The following GLRA3 variants were observed in gnomAD, a reference collection of about 807,000 sequenced individuals.
GLRA3 encodes the protein glycine receptor subunit alpha-3.
A neutral mutation model predicts 60.4 loss-of-function variants in GLRA3; 44 were observed. The ratio of observed to expected loss-of-function variants is 0.73; its 90% CI spans 0.57 to 0.94. The LOEUF is 0.94. Among genes scored for constraint, GLRA3 ranks in the 40% least tolerant of loss-of-function variants. GLRA3 has a pLI of 0.00. For synonymous variants in GLRA3, 223 were observed against 192.9 expected, an observed-to-expected ratio of 1.16 and a Z score of -1.29; for missense variants, 508 against 564.6, an observed-to-expected ratio of 0.90 and a Z score of 1.02.
At chr4:174,812,258 G>A (rs1442401014) in intron 1 of GLRA3, among the ~76,000 whole-genome samples, 2 of 152,188 alleles carry the variant, frequency 1.3e-5, no homozygotes, top group Admixed American at 1.3e-4. Flanking sequence ...ATATTTTGAA[G>A]CACCAATCTC....
At chr4:174,795,884 C>T (rs771812307) in intron 1 of GLRA3, among the ~76,000 whole-genome samples, 15 of 151,044 alleles carry the variant, frequency 9.9e-5, no homozygotes, top group Middle Eastern at 3.2e-3. Context: ...CTTCTTAATA[C>T]GGTGTGAGCA....
At chr4:174,701,719 G>C (rs7684520) in intron 5 of GLRA3, among the ~76,000 whole-genome samples, 114,657 of 152,034 alleles carry the variant, frequency 0.75, 43,394 homozygotes, top group South Asian at 0.81. Flanking sequence ...CAGGAATTTG[G>C]AAGAAGTTGA....
intron 1 of GLRA3, among the ~76,000 whole-genome samples, chr4:174,821,272 A>G (rs1238021169): frequency 6.6e-6 from 1 of 152,224 alleles, no homozygotes; most frequent in African/African-American, 2.4e-5. Flanking sequence ...ATATACTGCT[A>G]AAGTTCTCTA....
intron 3 of GLRA3, among the ~76,000 whole-genome samples, chr4:174,739,336 A>C (rs753887739): frequency 1.3e-5 from 2 of 152,338 alleles, no homozygotes; most frequent in East Asian, 3.9e-4. Flanking sequence ...AACTCATTTC[A>C]GTAATGTAGA....
intron 1 of GLRA3, among the ~76,000 whole-genome samples, chr4:174,821,819 T>C (rs368912454): frequency 3.6e-4 from 55 of 152,290 alleles, no homozygotes; most frequent in African/African-American, 1.3e-3. Context: ...AAGTAGTTAA[T>C]ATCTTCTAAG....
intron 5 of GLRA3, among the ~76,000 whole-genome samples, chr4:174,707,294 T>G (rs1735553244): frequency 6.6e-6 from 1 of 152,118 alleles, no homozygotes; most frequent in Non-Finnish European, 1.5e-5. Flanking sequence ...ATCATCAAAG[T>G]AGAATTATGG....
chr4:174,708,460 AT>A (rs148732517), intron 5 of GLRA3, among the ~76,000 whole-genome samples: 32,212 of 149,784 alleles, frequency 0.22, 3,798 homozygotes, highest in South Asian at 0.33. Flanking sequence ...GCTTTTGTTA[AT>A]TTTTTTTTTC....
At chr4:174,713,022 T>C (rs1286254828) in intron 5 of GLRA3, among the ~76,000 whole-genome samples, 1 of 151,866 alleles carries the variant, frequency 6.6e-6, no homozygotes, top group Non-Finnish European at 1.5e-5. Flanking sequence ...GTAATTGTCC[T>C]AAAAAAGTTT....
intron 1 of GLRA3, among the ~76,000 whole-genome samples, chr4:174,815,717 G>A (rs188118533): frequency 1.3e-5 from 2 of 152,236 alleles, no homozygotes; most frequent in African/African-American, 4.8e-5. Context: ...TGGGATGCAG[G>A]GCACCAAGTC....
intron 2 of GLRA3, among the ~76,000 whole-genome samples, chr4:174,774,052 G>A (rs1293146123): frequency 6.6e-6 from 1 of 152,102 alleles, no homozygotes; most frequent in Non-Finnish European, 1.5e-5. Context: ...CTGGCTTGCA[G>A]AGTTGGAGTC....
intron 9 of GLRA3, among the ~76,000 whole-genome samples, chr4:174,650,706 G>A (rs185517224): frequency 4.6e-5 from 7 of 152,332 alleles, no homozygotes; most frequent in Non-Finnish European, 8.8e-5. Context: ...CTCAAGGGAA[G>A]TGACTCTGCT....
At chr4:174,781,734 C>G (rs539402942) in intron 2 of GLRA3, among the ~76,000 whole-genome samples, 463 of 150,600 alleles carry the variant, frequency 3.1e-3, no homozygotes, top group African/African-American at 0.01. Context: ...ATAAATTCCT[C>G]GACACATACA....
At chr4:174,817,560 T>C (rs1214870319) in intron 1 of GLRA3, among the ~76,000 whole-genome samples, 1 of 152,176 alleles carries the variant, frequency 6.6e-6, no homozygotes, top group Non-Finnish European at 1.5e-5. Flanking sequence ...ACTTCTACTA[T>C]ACAATGAATT....
chr4:174,769,818 G>A (rs1738309376), intron 2 of GLRA3, among the ~76,000 whole-genome samples: 1 of 151,946 alleles, frequency 6.6e-6, no homozygotes, highest in South Asian at 2.1e-4. Context: ...CTGTTTTTTT[G>A]CATTCACACT....
intron 2 of GLRA3, among the ~76,000 whole-genome samples, chr4:174,771,502 G>C (rs918530022): frequency 1.3e-5 from 2 of 150,864 alleles, no homozygotes; most frequent in Non-Finnish European, 3.0e-5. Context: ...TATTTGGCTT[G>C]AGATAAATTC....
intron 2 of GLRA3, 29 bp from the exon 3 acceptor site, chr4:174,767,059 G>A (rs1030037677): frequency 6.5e-6 from 8 of 1,221,416 alleles, no homozygotes; most frequent in Non-Finnish European, 9.6e-6. Context: ...CATAAGGGCT[G>A]TTTAGAGACT....
chr4:174,747,530 G>A (rs1476989103), intron 3 of GLRA3, among the ~76,000 whole-genome samples: 3 of 152,282 alleles, frequency 2.0e-5, no homozygotes, highest in South Asian at 2.1e-4. Flanking sequence ...TAGTGATTGG[G>A]TGGGTAGTAA....
At chr4:174,717,290 G>C (rs1579498051) in intron 4 of GLRA3, among the ~76,000 whole-genome samples, 1 of 139,976 alleles carries the variant, frequency 7.1e-6, no homozygotes, top group African/African-American at 2.6e-5. Context: ...GAAAGAGAGA[G>C]AAAGAAAGAA....
At chr4:174,652,814 C>A (rs182885395) in intron 9 of GLRA3, among the ~76,000 whole-genome samples, 40 of 152,190 alleles carry the variant, frequency 2.6e-4, no homozygotes, top group African/African-American at 8.2e-4. Flanking sequence ...GAGGCAAGGA[C>A]TAATTTTGTA....
Sources: allele counts gnomAD v4.1 joint callset (sites outside exome capture counted in the v4.1 genomes callset), GRCh38; gene constraint gnomAD v4.1.1; transcripts MANE v1.5; gene names NCBI Gene and HGNC (gene_info 2026-07-23, HGNC 2026-07-21).